BCAT1: variants seen among roughly 807,000 people sequenced by gnomAD.
BCAT1 encodes the protein branched chain amino acid transaminase 1.
Under a neutral mutation model 52.4 loss-of-function variants are expected in BCAT1, and 48 were observed. The observed-to-expected ratio is 0.92, with a 90% confidence interval of 0.73 to 1.16. BCAT1 has a LOEUF of 1.16. Among genes scored for constraint, BCAT1 ranks in the 50% most tolerant of loss-of-function variants. The probability of loss-of-function intolerance (pLI) is 0.00; values close to 1 mark genes in which losing one functional copy is unlikely to be tolerated. For missense variants in BCAT1, 451 were observed against 457.1 expected, an observed-to-expected ratio of 0.99 and a Z score of 0.12; for synonymous variants, 167 against 161.3, an observed-to-expected ratio of 1.04 and a Z score of -0.27.
chr12:24,856,097 T>G (rs1941673417), intron 5 of BCAT1, among the ~76,000 whole-genome samples: 1 of 152,244 alleles, frequency 6.6e-6, no homozygotes, highest in Admixed American at 6.5e-5. Context: ...CTGTAACCTC[T>G]GCACCTTACA....
intron 5 of BCAT1, among the ~76,000 whole-genome samples, chr12:24,854,209 C>A (rs556490800): frequency 6.6e-6 from 1 of 152,246 alleles, no homozygotes; most frequent in Admixed American, 6.5e-5. Context: ...TGAATGACGG[C>A]AGGAAAGAGC....
chr12:24,936,661 C>A (rs1265744097), intron 1 of BCAT1, among the ~76,000 whole-genome samples: 3 of 150,282 alleles, frequency 2.0e-5, no homozygotes, highest in Non-Finnish European at 4.4e-5. Context: ...CACCTGCATT[C>A]TTTGGCTCAT....
Position 24,910,370 on chromosome 12 carries a change from C to CT in BCAT1, c.7-8486dup, listed in dbSNP as rs1457103219. ...CCAGCCTGGGTGACATAGCGAGACT[C>CT]TGTCTCAAAAATAAATAAATAAATA... On this transcript the variant is annotated intron_variant, in intron 1 of 10. Coordinates refer to ENST00000261192, the MANE Select transcript of BCAT1 (RefSeq NM_005504.7). 2.0e-5 allele frequency among the ~76,000 whole-genome samples: 3 copies of CT among 148,882 alleles called. No homozygotes were observed. The Admixed American group carries it at 2.0e-4, about 10-fold the overall frequency.
At chr12:24,938,704 C>G (rs1388662174) in intron 1 of BCAT1, among the ~76,000 whole-genome samples, 1 of 152,038 alleles carries the variant, frequency 6.6e-6, no homozygotes, top group African/African-American at 2.4e-5. Flanking sequence ...TGTACAAGTG[C>G]TCTTACCCCC....
Position 24,832,782 on chromosome 12 carries a change from A to T in BCAT1, c.985T>A (p.Phe329Ile). ...ALEGNRVREMFGSGTACVVCP... is the reference protein window; with the variant it reads ...ALEGNRVREMIGSGTACVVCP... Reference sequence around the variant, plus strand: ...ACAACACAGGCTGTACCAGAGCCAAACATCTCTCTCACTCTGTTCCCCTCC... The same window carrying T: ...ACAACACAGGCTGTACCAGAGCCAATCATCTCTCTCACTCTGTTCCCCTCC... The change falls in exon 9 of 11, where the codon TTT becomes ATT. Residue 329 changes from phenylalanine (F) to isoleucine (I), a missense_variant. Coordinates refer to ENST00000261192, the MANE Select transcript of BCAT1 (RefSeq NM_005504.7). 1 of 1,611,948 alleles carries T rather than the reference A, an allele frequency of 6.2e-7. No homozygotes were observed. The highest frequency in any genetic ancestry group is 8.5e-7 in the Non-Finnish European group (1 of 1,178,980).
intron 1 of BCAT1, among the ~76,000 whole-genome samples, chr12:24,910,826 C>T (rs1474808785): frequency 6.6e-6 from 1 of 152,104 alleles, no homozygotes. Flanking sequence ...GAACTGGGGC[C>T]AGGCACAGTG....
intron 1 of BCAT1, among the ~76,000 whole-genome samples, chr12:24,943,820 A>T (rs567818877): frequency 7.3e-4 from 110 of 151,574 alleles, no homozygotes; most frequent in South Asian, 1.7e-3. Flanking sequence ...CCGTCTCTAC[A>T]AAAAATACAA....
At chr12:24,830,029 A>T (rs926565619) in intron 9 of BCAT1, 132 bp from the exon 10 acceptor site, 1 of 563,644 alleles carries the variant, frequency 1.8e-6, no homozygotes, top group African/African-American at 1.9e-5. Context: ...AAACCTACTG[A>T]CTCTGAGTGC....
intron 7 of BCAT1, among the ~76,000 whole-genome samples, chr12:24,841,565 AGAAAAACAAAAAAC>A (rs1407637320): frequency 6.6e-6 from 1 of 152,324 alleles, no homozygotes; most frequent in South Asian, 2.1e-4. Flanking sequence ...ATCTAGAGCC[AGAAAAACAAAAAAC>A]GAAAAACAAA....
intron 10 of BCAT1, among the ~76,000 whole-genome samples, chr12:24,822,749 C>T (rs1940196458): frequency 6.6e-6 from 1 of 152,204 alleles, no homozygotes; most frequent in African/African-American, 2.4e-5. Flanking sequence ...TTCAGAACCA[C>T]TGTTTCCACC....
chr12:24,813,997 T>C lies in BCAT1; in HGVS notation c.*4011A>G, dbSNP rs1297521215. ...TGAACTATTAATAGAGTCTTCATCA[T>C]CTTTGCCAAGTAATAGGTAATGCTC... On this transcript the variant is annotated 3_prime_UTR_variant, in exon 11 of 11. Transcript: ENST00000261192. 6.6e-6 allele frequency: 1 copy of C among 152,120 alleles called. No individual in the cohort carries two copies. Among genetic ancestry groups the C allele is most frequent in the Non-Finnish European group, 1.5e-5 (1 of 67,974 alleles). The allele number at this position is 152,120 out of a possible 1,614,324, so 9.4% of individuals were successfully genotyped here.
Position 24,860,304 on chromosome 12 carries a change from A to G in BCAT1, c.511-10355T>C, listed in dbSNP as rs555339752. Among the ~76,000 whole-genome samples, 225 of 152,380 alleles carry G rather than the reference A, an allele frequency of 1.5e-3. 1 individual carries two copies. Among genetic ancestry groups the G allele is most frequent in the Non-Finnish European group, 1.8e-3 (122 of 68,034 alleles). ...GAGCAAACAGGAATTAACAGCATGG[A>G]CTAAACTAATAAAAGAACAAAATAA... On this transcript the variant is annotated intron_variant, in intron 5 of 10. Transcript: ENST00000261192.
intron 3 of BCAT1, among the ~76,000 whole-genome samples, chr12:24,884,103 T>G: frequency 6.6e-6 from 1 of 152,178 alleles, no homozygotes; most frequent in East Asian, 1.9e-4. Flanking sequence ...GCAACCTAAC[T>G]GTCCATCAAC....
rs113311393 is a variant in BCAT1, at chr12:24,937,271, G to A, written c.6+11656C>T. On this transcript the variant is annotated intron_variant, in intron 1 of 10. Coordinates refer to ENST00000261192, the MANE Select transcript of BCAT1 (RefSeq NM_005504.7). ...GGGTGATAAGGCACCCCTGGATGGG[G>A]AATCAGAAGAAGACCTTCCAGGCAG... Among the ~76,000 whole-genome samples, 490 of 152,286 alleles carry A rather than the reference G, an allele frequency of 3.2e-3. 2 individuals are homozygous for A. The highest frequency in any genetic ancestry group is 5.3e-3 in the Non-Finnish European group (358 of 68,020).
intron 3 of BCAT1, among the ~76,000 whole-genome samples, chr12:24,887,659 C>T (rs113822950): frequency 1.3e-5 from 2 of 152,192 alleles, no homozygotes; most frequent in Admixed American, 6.5e-5. Context: ...CAAATATGAG[C>T]ATTCATTTAT....
intron 5 of BCAT1, among the ~76,000 whole-genome samples, chr12:24,874,014 GATT>G (rs1335814497): frequency 6.6e-6 from 1 of 152,138 alleles, no homozygotes; most frequent in African/African-American, 2.4e-5. Flanking sequence ...TATCTATGAA[GATT>G]ATTAAAAATG....
At position 24,812,590 on chromosome 12, in the gene BCAT1, T is replaced by C. The variant is rs2139280847; in HGVS notation, c.*5418A>G. On this transcript the variant is annotated 3_prime_UTR_variant, in exon 11 of 11. Coordinates refer to ENST00000261192, the MANE Select transcript of BCAT1 (RefSeq NM_005504.7). ...AGTCACTACCTAGTAGCATTATTTG[T>C]ATTTAGCAACTACATTGAAAGCTGA... The C allele has an allele frequency of 6.6e-6, 1 of 152,212 alleles. No individual in the cohort carries two copies. The highest frequency in any genetic ancestry group is 2.4e-5 in the African/African-American group (1 of 41,586). 9.4% of individuals were successfully genotyped at this position (152,212 alleles called of 1,614,324 possible).
chr12:24,818,133 GTT>G, intron 10 of BCAT1, 84 bp from the exon 11 acceptor site: 1 of 1,386,414 alleles, frequency 7.2e-7, no homozygotes, highest in Non-Finnish European at 1.0e-6. Context: ...TACCGCCAAG[GTT>G]ACACAAAAGG....
chr12:24,947,517 G>C (rs11047721), intron 1 of BCAT1, among the ~76,000 whole-genome samples: 38,899 of 152,060 alleles, frequency 0.26, 5,144 homozygotes, highest in East Asian at 0.42. Context: ...AAAGATGTTT[G>C]AAATATTGTG....
Sources: gnomAD v4.1 joint callset for allele counts (sites outside exome capture counted in the v4.1 genomes callset) on GRCh38, gnomAD v4.1.1 for gene constraint, MANE v1.5 for transcripts, NCBI Gene and HGNC (gene_info 2026-07-23, HGNC 2026-07-21) for gene names.